Variants in RAB3GAP2 observed in about 807,000 individuals in gnomAD.
RAB3GAP2 encodes the protein RAB3 GTPase activating non-catalytic protein subunit 2.
A neutral mutation model predicts 185.3 loss-of-function variants in RAB3GAP2; 87 were observed. The ratio of observed to expected loss-of-function variants is 0.47; its 90% CI spans 0.39 to 0.56. The LOEUF (loss-of-function observed/expected upper bound fraction) is 0.56. Among genes scored for constraint, RAB3GAP2 ranks in the 20% least tolerant of loss-of-function variants. The pLI, the probability that RAB3GAP2 is intolerant of heterozygous loss-of-function variation, is 0.00. For missense variants in RAB3GAP2, 1,492 were observed against 1,638.2 expected (o/e 0.91, Z 1.54); for synonymous variants, 554 against 576.1 (o/e 0.96, Z 0.55).
At chr1:220,178,037 A>T (rs1658328675) in intron 21 of RAB3GAP2, among the ~76,000 whole-genome samples, 1 of 152,186 alleles carries the variant, frequency 6.6e-6, no homozygotes, top group Non-Finnish European at 1.5e-5. Flanking sequence ...GAATTTAGAA[A>T]ACAGCAGGAG....
chr1:220,151,603 G>A lies in RAB3GAP2; in HGVS notation c.4026+3C>T. 1 of 1,607,524 alleles carries A rather than the reference G, an allele frequency of 6.2e-7. No homozygotes were observed. The highest frequency in any genetic ancestry group is 8.5e-7 in the Non-Finnish European group (1 of 1,174,016). On this transcript the variant is annotated splice_donor_region_variant and intron_variant, in intron 34 of 34. Transcript: ENST00000358951. ...TTGCCTGATCTCGTTCTATTGTACT[G>A]ACCATTGCTTTCAGCCAAGTACACA... is the stretch of plus-strand genomic sequence containing the variant.
At chr1:220,229,552 AAACT>A (rs2102890097) in intron 2 of RAB3GAP2, among the ~76,000 whole-genome samples, 1 of 152,336 alleles carries the variant, frequency 6.6e-6, no homozygotes, top group African/African-American at 2.4e-5. Flanking sequence ...CATTATGACT[AAACT>A]AACCCAATTA....
rs776997304 is a variant in RAB3GAP2 at position 220,157,793 on chromosome 1, C to G, written c.3336+9G>C. The G allele has an allele frequency of 6.2e-6, 10 of 1,600,494 alleles. No individual in the cohort carries two copies. The Admixed American group carries it at 1.2e-4, about 19-fold the overall frequency. On this transcript the variant is annotated intron_variant, in intron 30 of 34. Coordinates refer to ENST00000358951, the MANE Select transcript of RAB3GAP2 (RefSeq NM_012414.4). The stretch of plus-strand genomic sequence containing the variant: ...GAGCAGTTCAGAATGAAAAATACAC[C>G]TCTTTTACCTCCATTAAGATCTGAA...
rs1326770344 is a variant in RAB3GAP2 at position 220,175,376 on chromosome 1, G to A, written c.2311-2634C>T. On this transcript the variant is annotated intron_variant, in intron 21 of 34. Transcript: ENST00000358951. ...TTGGACTACAGGCGCGAGCCACCATGCCCGGCTAATTTTTGTATTTTTAGG... is the reference window on the plus strand; with the variant it reads ...TTGGACTACAGGCGCGAGCCACCATACCCGGCTAATTTTTGTATTTTTAGG... 2.6e-5 allele frequency among the ~76,000 whole-genome samples: 4 copies of A among 152,074 alleles called. No individual in the cohort carries two copies. The South Asian group carries it at 8.3e-4, about 32-fold the overall frequency.
At chr1:220,203,614 A>G (rs367888475) in intron 8 of RAB3GAP2, among the ~76,000 whole-genome samples, 2 of 152,186 alleles carry the variant, frequency 1.3e-5, no homozygotes, top group South Asian at 4.1e-4. Flanking sequence ...TAAATTGCTG[A>G]TGATACCAAT....
chr1:220,183,019 G>A (rs1658440929), intron 19 of RAB3GAP2, 88 bp from the exon 20 acceptor site: 1 of 1,125,122 alleles, frequency 8.9e-7, no homozygotes, highest in Non-Finnish European at 1.3e-6. Context: ...AGCAAAAGTC[G>A]ACTTTTTAAT....
Position 220,151,149 on chromosome 1 carries a change from A to G in RAB3GAP2, c.*102T>C, listed in dbSNP as rs1657744765. 1 of 1,247,194 alleles carries G rather than the reference A, an allele frequency of 8.0e-7. No individual in the cohort carries two copies. Among genetic ancestry groups the G allele is most frequent in the Admixed American group, 2.3e-5 (1 of 44,230 alleles). The allele number at this position is 1,247,194 out of a possible 1,614,324, so 77.3% of individuals were successfully genotyped here. A position where few individuals can be genotyped will look rare whatever the true frequency, so the allele number is the denominator to read the frequency against. On this transcript the variant is annotated 3_prime_UTR_variant, in exon 35 of 35. Coordinates refer to ENST00000358951, the MANE Select transcript of RAB3GAP2 (RefSeq NM_012414.4). The stretch of plus-strand genomic sequence containing the variant: ...ATTTATTTTACAAAAGGAAAAAAAA[A>G]GACATACTTTTCCCATAAAATTCCA...
intron 1 of RAB3GAP2, chr1:220,266,678 C>G: frequency 6.5e-7 from 1 of 1,544,462 alleles, no homozygotes; most frequent in South Asian, 1.1e-5. Flanking sequence ...AGCCCTGGCT[C>G]AAGGATTTCT....
intron 2 of RAB3GAP2, among the ~76,000 whole-genome samples, chr1:220,230,449 G>A (rs545047221): frequency 4.5e-4 from 69 of 152,276 alleles, no homozygotes; most frequent in African/African-American, 1.6e-3. Context: ...CGGAGGTGCT[G>A]CAGTAACCAA....
intron 28 of RAB3GAP2, among the ~76,000 whole-genome samples, 155 bp from the exon 29 acceptor site, chr1:220,159,576 C>T (rs542864836): frequency 4.6e-5 from 7 of 152,306 alleles, no homozygotes; most frequent in South Asian, 4.1e-4. Context: ...GCTCTACCAA[C>T]AGTAGATGCA....
intron 1 of RAB3GAP2, among the ~76,000 whole-genome samples, chr1:220,264,663 CCCA>C (rs1215098617): frequency 2.5e-4 from 38 of 152,152 alleles, no homozygotes; most frequent in Admixed American, 2.6e-4. Context: ...ATCCCACCCT[CCCA>C]CCACAATTTA....
chr1:220,266,861 A>C (rs1571938098), intron 1 of RAB3GAP2: 15 of 1,597,634 alleles, frequency 9.4e-6, no homozygotes, highest in Non-Finnish European at 1.1e-5. Context: ...TCCCTCTGTT[A>C]CAAAGTCAGG....
chr1:220,253,645 TA>T (rs1659979818), intron 1 of RAB3GAP2: 12 of 1,592,564 alleles, frequency 7.5e-6, no homozygotes, highest in Non-Finnish European at 1.0e-5. Context: ...GCCTCTTCTT[TA>T]TGAAGCAAAG....
intron 8 of RAB3GAP2, among the ~76,000 whole-genome samples, chr1:220,204,523 CAT>C (rs1341404120): frequency 6.6e-6 from 1 of 151,986 alleles, no homozygotes; most frequent in Non-Finnish European, 1.5e-5. Flanking sequence ...GTTTTGGGGC[CAT>C]TAAGGCTCCT....
intron 28 of RAB3GAP2, among the ~76,000 whole-genome samples, chr1:220,161,144 A>G (rs6665520): frequency 6.8e-4 from 103 of 152,312 alleles, no homozygotes; most frequent in African/African-American, 2.4e-3. Context: ...CATAAAGGCC[A>G]AAAGATGCAA....
chr1:220,154,985 A>G lies in RAB3GAP2; in HGVS notation c.3556-928T>C, dbSNP rs1657831376. Among the ~76,000 whole-genome samples the G allele has an allele frequency of 1.3e-5, 2 of 152,162 alleles. 1 individual carries two copies. The highest frequency in any genetic ancestry group is 4.1e-4 in the South Asian group (2 of 4,830). ...GGTGATCTGCCCGCCTCAGCCTCCC[A>G]AAGTGCTGGGATTACAGGCATGAGC... On this transcript the variant is annotated intron_variant, in intron 31 of 34. Coordinates refer to ENST00000358951, the MANE Select transcript of RAB3GAP2 (RefSeq NM_012414.4).
chr1:220,188,738 TG>T (rs1447422474), intron 17 of RAB3GAP2, among the ~76,000 whole-genome samples: 1 of 152,186 alleles, frequency 6.6e-6, no homozygotes, highest in Non-Finnish European at 1.5e-5. Context: ...AATATGTACA[TG>T]GATAAGCATA....
intron 27 of RAB3GAP2, among the ~76,000 whole-genome samples, chr1:220,163,358 G>A (rs1341725368): frequency 6.6e-6 from 1 of 151,268 alleles, no homozygotes; most frequent in Non-Finnish European, 1.5e-5. Context: ...AAGTCAGTTA[G>A]TAACTTAATT....
intron 1 of RAB3GAP2, among the ~76,000 whole-genome samples, chr1:220,264,358 A>C (rs1307497948): frequency 6.6e-6 from 1 of 152,068 alleles, no homozygotes; most frequent in Non-Finnish European, 1.5e-5. Flanking sequence ...TAATAATAAA[A>C]CGAATGGAGG....
Sources: allele counts gnomAD v4.1 joint callset (sites outside exome capture counted in the v4.1 genomes callset), GRCh38; gene constraint gnomAD v4.1.1; transcripts MANE v1.5; gene names NCBI Gene and HGNC (gene_info 2026-07-23, HGNC 2026-07-21).